The following LINGO2 variants were observed in gnomAD, a reference collection of about 807,000 sequenced individuals.
LINGO2 encodes the protein leucine rich repeat and Ig domain containing 2.
LINGO2 carries 14 observed loss-of-function variants against 30.6 expected under a neutral mutation model. That is an observed-to-expected ratio of 0.46 (90% confidence interval 0.30 to 0.72). The LOEUF (loss-of-function observed/expected upper bound fraction) is 0.72, where lower values mean the gene tolerates loss of function less well. Among genes scored for constraint, LINGO2 ranks in the 30% least tolerant of loss-of-function variants. The pLI is 0.07. For missense variants in LINGO2, 729 were observed against 751.7 expected (o/e 0.97, Z 0.35); for synonymous variants, 317 against 288.5 (o/e 1.10, Z -1.00).
intron 3 of LINGO2, among the ~76,000 whole-genome samples, chr9:28,327,785 T>A (rs1031100066): frequency 2.7e-4 from 41 of 152,206 alleles, no homozygotes; most frequent in Admixed American, 6.5e-5. Context: ...AAATCTGTGA[T>A]GATAATGTGA....
chr9:28,555,833 C>A (rs1260885548), intron 1 of LINGO2, among the ~76,000 whole-genome samples: 2 of 152,016 alleles, frequency 1.3e-5, no homozygotes, highest in Non-Finnish European at 2.9e-5. Context: ...GGATGCAAGG[C>A]TGGTTCAATA....
intron 1 of LINGO2, among the ~76,000 whole-genome samples, chr9:28,490,105 G>C (rs1334538585): frequency 2.6e-5 from 4 of 151,996 alleles, no homozygotes; most frequent in African/African-American, 2.4e-5. Flanking sequence ...TTAGTAAAAA[G>C]GTATATGGTG....
At chr9:28,615,337 C>T (rs953594053) in intron 1 of LINGO2, among the ~76,000 whole-genome samples, 4 of 152,212 alleles carry the variant, frequency 2.6e-5, no homozygotes, top group East Asian at 1.9e-4. Context: ...AGGATATAAA[C>T]GCCTACGCAA....
At chr9:29,159,076 C>T in the LINGO2 span, among the ~76,000 whole-genome samples, 2 of 152,100 alleles carry the variant, frequency 1.3e-5, no homozygotes, top group African/African-American at 4.8e-5. Flanking sequence ...TTCTTGGAGC[C>T]ATCCATAAAT....
chr9:29,117,791 C>G, the LINGO2 span, among the ~76,000 whole-genome samples: 1 of 152,188 alleles, frequency 6.6e-6, no homozygotes, highest in Non-Finnish European at 1.5e-5. Flanking sequence ...CTTCATGTCT[C>G]TAAGTGATTC....
At chr9:28,526,075 A>AAAAAAAAAAAAAAAC in intron 1 of LINGO2, among the ~76,000 whole-genome samples, 2 of 150,452 alleles carry the variant, frequency 1.3e-5, no homozygotes, top group African/African-American at 2.5e-5. Flanking sequence ...AAAAAAAAAA[A>AAAAAAAAAAAAAAAC]AGCCATTGAG....
the LINGO2 span, among the ~76,000 whole-genome samples, chr9:29,084,020 G>T: frequency 6.6e-6 from 1 of 151,906 alleles, no homozygotes; most frequent in East Asian, 1.9e-4. Context: ...TACTCTGGAA[G>T]AATTCAAATA....
intron 5 of LINGO2, among the ~76,000 whole-genome samples, chr9:27,990,418 T>C (rs1268610762): frequency 6.6e-6 from 1 of 151,408 alleles, no homozygotes; most frequent in Non-Finnish European, 1.5e-5. Flanking sequence ...GAAATGTTGC[T>C]GAGCTTCAGT....
chr9:27,948,911 A>C (rs747950023), exon 6 of LINGO2: 1 of 1,613,762 alleles, frequency 6.2e-7, no homozygotes, highest in South Asian at 1.1e-5. Context: ...CAACAGCACC[A>C]TTGTTTTTTC....
the LINGO2 span, chr9:27,940,608 A>G: frequency 3.3e-5 from 5 of 152,248 alleles, no homozygotes; most frequent in Non-Finnish European, 1.5e-5. Flanking sequence ...GGGAGTCGGT[A>G]GAAACTCCTA....
intron 4 of LINGO2, among the ~76,000 whole-genome samples, chr9:28,291,239 G>C (rs1308746873): frequency 6.6e-6 from 1 of 152,126 alleles, no homozygotes; most frequent in Non-Finnish European, 1.5e-5. Flanking sequence ...AAGGCAATCG[G>C]CATCATCCAA....
At chr9:29,001,087 T>TTCTA in the LINGO2 span, among the ~76,000 whole-genome samples, 1 of 87,078 alleles carries the variant, frequency 1.1e-5, no homozygotes, top group Non-Finnish European at 2.9e-5. Context: ...TTTTGTATAT[T>TTCTA]TGTATGTGTG....
chr9:28,033,810 A>G (rs1448272550), intron 4 of LINGO2, among the ~76,000 whole-genome samples: 1 of 152,236 alleles, frequency 6.6e-6, no homozygotes, highest in Admixed American at 6.5e-5. Flanking sequence ...GACTTCAGTG[A>G]GAGTTTGAAG....
At chr9:28,607,625 G>A (rs770649405) in intron 1 of LINGO2, among the ~76,000 whole-genome samples, 1 of 151,894 alleles carries the variant, frequency 6.6e-6, no homozygotes. Context: ...GTTTCTTCAC[G>A]TGATCAGAAA....
the LINGO2 span, among the ~76,000 whole-genome samples, chr9:28,865,465 T>C: frequency 5.3e-5 from 8 of 151,924 alleles, no homozygotes; most frequent in African/African-American, 1.7e-4. Context: ...TGGAATACAT[T>C]TAGAGTTTGA....
chr9:27,987,234 A>T (rs1426419989), intron 5 of LINGO2, among the ~76,000 whole-genome samples: 1 of 151,820 alleles, frequency 6.6e-6, no homozygotes, highest in Non-Finnish European at 1.5e-5. Flanking sequence ...TTCCTTGTCA[A>T]CATTTGCAAT....
intron 1 of LINGO2, among the ~76,000 whole-genome samples, chr9:28,569,051 A>G (rs867881862): frequency 4.1e-5 from 6 of 147,920 alleles, no homozygotes; most frequent in African/African-American, 1.6e-4. Flanking sequence ...AGTATTGCTT[A>G]TCATCAGGTA....
intron 5 of LINGO2, among the ~76,000 whole-genome samples, chr9:28,003,643 A>G (rs2119170094): frequency 6.6e-6 from 1 of 152,218 alleles, no homozygotes; most frequent in East Asian, 1.9e-4. Context: ...TCGTATTTTT[A>G]GTAGAAACGG....
At chr9:29,099,390 A>G in the LINGO2 span, among the ~76,000 whole-genome samples, 1 of 152,218 alleles carries the variant, frequency 6.6e-6, no homozygotes. Context: ...ATGGGATCAC[A>G]TCAAGATAAA....
Sources: allele counts gnomAD v4.1 joint callset (sites outside exome capture counted in the v4.1 genomes callset), GRCh38; gene constraint gnomAD v4.1.1; transcripts MANE v1.5; gene names NCBI Gene and HGNC (gene_info 2026-07-23, HGNC 2026-07-21).